The following FAM222B variants were observed in gnomAD, a reference collection of about 807,000 sequenced individuals.
FAM222B encodes protein FAM222B.
In FAM222B, 12 loss-of-function variants were observed where a neutral mutation model predicts 38.0. That is an observed-to-expected ratio of 0.32 (90% CI 0.20 to 0.51). The LOEUF is 0.51. FAM222B is among the 20% of genes least tolerant of loss of function. FAM222B has a pLI of 0.97. For missense variants in FAM222B, 716 were observed against 754.2 expected (o/e 0.95, Z 0.59); for synonymous variants, 329 against 317.2 (o/e 1.04, Z -0.40).
At chr17:28,806,116 C>A (rs1346439927) in intron 1 of FAM222B, among the ~76,000 whole-genome samples, 35 of 151,762 alleles carry the variant, frequency 2.3e-4, no homozygotes, top group Admixed American at 2.3e-3. Context: ...CGCGCCATTG[C>A]ACTCCAACCT....
At chr17:28,764,677 G>A (rs1431726496) in intron 2 of FAM222B, among the ~76,000 whole-genome samples, 1 of 151,746 alleles carries the variant, frequency 6.6e-6, no homozygotes, top group Non-Finnish European at 1.5e-5. Flanking sequence ...AACCCAGAAG[G>A]CGGAGGTTGC....
chr17:28,820,191 T>C (rs186190760), intron 1 of FAM222B, among the ~76,000 whole-genome samples: 1 of 152,338 alleles, frequency 6.6e-6, no homozygotes, highest in East Asian at 1.9e-4. Flanking sequence ...CATTTCAGTT[T>C]TCCCTTTTTG....
At chr17:28,830,140 C>T (rs1269895837) in intron 1 of FAM222B, among the ~76,000 whole-genome samples, 5 of 146,092 alleles carry the variant, frequency 3.4e-5, no homozygotes, top group African/African-American at 1.3e-4. Flanking sequence ...TAAGCCACTT[C>T]GCCCAGCCTC....
chr17:28,842,295 C>G lies in FAM222B; in HGVS notation c.-41+387G>C, dbSNP rs1221939711. 3.9e-5 allele frequency among the ~76,000 whole-genome samples: 6 copies of G among 152,112 alleles called. No homozygotes were observed. In the South Asian group the frequency reaches 1.2e-3, roughly 32 times the overall value. ...CCTCTACCCAGAGCAGCCTATTACT[C>G]CGGGAGACCGACCCTTCCCCTGCCT... On this transcript the variant is annotated intron_variant, in intron 1 of 2. Coordinates refer to ENST00000581407, the MANE Select transcript of FAM222B (RefSeq NM_001077498.3).
chr17:28,798,005 C>T (rs2037025091), intron 1 of FAM222B, among the ~76,000 whole-genome samples: 1 of 152,066 alleles, frequency 6.6e-6, no homozygotes, highest in South Asian at 2.1e-4. Context: ...TGCAAGGAGC[C>T]ATGATCGTGC....
chr17:28,789,504 T>C (rs1444059019), intron 1 of FAM222B, among the ~76,000 whole-genome samples: 1 of 152,182 alleles, frequency 6.6e-6, no homozygotes, highest in Non-Finnish European at 1.5e-5. Context: ...ACTGTCCTCT[T>C]TAATTTCTTC....
intron 2 of FAM222B, among the ~76,000 whole-genome samples, chr17:28,762,723 G>T (rs561980521): frequency 6.6e-6 from 1 of 151,018 alleles, no homozygotes; most frequent in Non-Finnish European, 1.5e-5. Context: ...TGGATCACGA[G>T]GTCAGGAGTT....
chr17:28,808,058 C>T (rs1365934536), intron 1 of FAM222B, among the ~76,000 whole-genome samples: 1 of 152,228 alleles, frequency 6.6e-6, no homozygotes, highest in Non-Finnish European at 1.5e-5. Flanking sequence ...CTCCCTCACT[C>T]TCCCAGGGCT....
intron 1 of FAM222B, among the ~76,000 whole-genome samples, chr17:28,811,585 G>T (rs1414451911): frequency 1.3e-5 from 2 of 152,178 alleles, no homozygotes; most frequent in South Asian, 2.1e-4. Context: ...CAGAGAAAAA[G>T]ATAAGACTTT....
intron 1 of FAM222B, among the ~76,000 whole-genome samples, chr17:28,809,368 AAGAG>A (rs1191781562): frequency 4.6e-4 from 69 of 151,326 alleles, no homozygotes; most frequent in South Asian, 8.3e-4. Context: ...AAAAAAAAAA[AAGAG>A]AGAGAGAGAG....
At chr17:28,800,830 A>G (rs946074889) in intron 1 of FAM222B, among the ~76,000 whole-genome samples, 2 of 148,906 alleles carry the variant, frequency 1.3e-5, no homozygotes, top group Admixed American at 6.8e-5. Flanking sequence ...TTCTTAATTA[A>G]GCTACTAGTT....
chr17:28,819,442 G>T (rs1378778784), intron 1 of FAM222B, among the ~76,000 whole-genome samples: 1 of 152,148 alleles, frequency 6.6e-6, no homozygotes, highest in South Asian at 2.1e-4. Flanking sequence ...GTGGTGGAAA[G>T]TGCCTTCTCC....
chr17:28,833,051 G>C (rs972525866), intron 1 of FAM222B, among the ~76,000 whole-genome samples: 1 of 149,926 alleles, frequency 6.7e-6, no homozygotes, highest in East Asian at 2.0e-4. Context: ...GGCCAGGCAC[G>C]GTGACTCAGG....
Position 28,758,995 on chromosome 17 carries a change from A to G in FAM222B, c.964T>C (p.Cys322Arg). 4.3e-6 allele frequency: 7 copies of G among 1,612,692 alleles called. No homozygotes were observed. Among genetic ancestry groups the G allele is most frequent in the African/African-American group, 1.3e-5 (1 of 75,050 alleles). Residue 322 changes from cysteine (C) to arginine (R), a missense_variant, in exon 3 of 3, where the codon TGT becomes CGT. By Grantham distance (180) the Cys-to-Arg change is radical (BLOSUM62 -3). Transcript: ENST00000581407. ...GTGTGCTCCATGGGATTGACCACAC[A>G]TGAAGGCATTGGTGTGGGGACGCTG... is the stretch of plus-strand genomic sequence containing the variant. ...THSVPTPMPS[C>R]VVNPMEHTHA... is the part of the protein sequence containing the mutation.
chr17:28,806,388 A>C (rs1362686778), intron 1 of FAM222B, among the ~76,000 whole-genome samples: 1 of 152,172 alleles, frequency 6.6e-6, no homozygotes, highest in Non-Finnish European at 1.5e-5. Context: ...GCAATGTAAC[A>C]AACTCAGTCC....
intron 1 of FAM222B, among the ~76,000 whole-genome samples, chr17:28,826,418 C>T (rs981465902): frequency 2.0e-5 from 3 of 152,088 alleles, no homozygotes; most frequent in African/African-American, 7.2e-5. Context: ...GGTTGGCTCA[C>T]GCCTGTAATC....
chr17:28,816,148 GGGCCT>G (rs2038014561), intron 1 of FAM222B, among the ~76,000 whole-genome samples: 1 of 151,526 alleles, frequency 6.6e-6, no homozygotes, highest in Non-Finnish European at 1.5e-5. Flanking sequence ...ATGGTAGTGG[GGGCCT>G]GTAATCCCAG....
intron 1 of FAM222B, among the ~76,000 whole-genome samples, chr17:28,770,986 A>ATG (rs925970877): frequency 2.0e-5 from 3 of 150,804 alleles, no homozygotes; most frequent in Admixed American, 1.3e-4. Flanking sequence ...GTGTATATAT[A>ATG]TGTGTGTGTA....
chr17:28,846,933 A>C (rs1460571550), upstream of FAM222B, among the ~76,000 whole-genome samples: 1 of 151,988 alleles, frequency 6.6e-6, no homozygotes, highest in Non-Finnish European at 1.5e-5. Flanking sequence ...CAAAAGATTT[A>C]AAAATTAGCG....
Sources: allele counts gnomAD v4.1 joint callset (sites outside exome capture counted in the v4.1 genomes callset), GRCh38; gene constraint gnomAD v4.1.1; transcripts MANE v1.5; gene names NCBI Gene and HGNC (gene_info 2026-07-23, HGNC 2026-07-21).